ZMYM6: variants seen among roughly 807,000 people sequenced by gnomAD.
ZMYM6 encodes the protein zinc finger MYM-type containing 6, also known as zinc finger MYM-type protein 6.
A neutral mutation model predicts 134.0 loss-of-function variants in ZMYM6; 90 were observed. The ratio of observed to expected loss-of-function variants is 0.67; its 90% confidence interval spans 0.57 to 0.80. The LOEUF is 0.80. ZMYM6 is among the 30% of genes least tolerant of loss of function. The pLI is 0.00. For missense variants in ZMYM6, 1,362 were observed against 1,533.9 expected, an observed-to-expected ratio of 0.89 and a Z score of 1.87; for synonymous variants, 481 against 524.1, an observed-to-expected ratio of 0.92 and a Z score of 1.12.
intron 1 of ZMYM6, 75 bp from the exon 2 acceptor site, chr1:35,030,788 A>G (rs1641506555): frequency 2.7e-6 from 2 of 733,226 alleles, no homozygotes; most frequent in Non-Finnish European, 4.4e-6. Flanking sequence ...TGTTGAGTGC[A>G]TGAGGCTTCA....
chr1:35,005,057 AAAAAGAGAGAACT>A (rs1640942323), intron 13 of ZMYM6, 62 bp downstream of exon 13: 1 of 1,561,914 alleles, frequency 6.4e-7, no homozygotes, highest in African/African-American at 1.4e-5. Context: ...AAACTGTCTC[AAAAAGAGAGAACT>A]ACTTAGGCTA....
intron 14 of ZMYM6, among the ~76,000 whole-genome samples, chr1:34,993,340 T>G (rs1014371678): frequency 1.3e-5 from 2 of 152,044 alleles, no homozygotes; most frequent in Non-Finnish European, 2.9e-5. Flanking sequence ...CTCAAACTCC[T>G]GACCTCGTGA....
At chr1:35,026,023 T>G (rs1303353215) in intron 2 of ZMYM6, among the ~76,000 whole-genome samples, 1 of 152,072 alleles carries the variant, frequency 6.6e-6, no homozygotes, top group Non-Finnish European at 1.5e-5. Flanking sequence ...AGGACTAAAC[T>G]GCAACTTTTT....
Position 34,988,540 on chromosome 1 carries a change from T to A in ZMYM6, c.2542A>T (p.Ile848Phe). 1.9e-6 allele frequency: 3 copies of A among 1,551,308 alleles called. No individual in the cohort carries two copies. The highest frequency in any genetic ancestry group is 2.6e-6 in the Non-Finnish European group (3 of 1,146,884). The change falls in exon 16 of 16, where the codon ATT becomes TTT. Residue 848 changes from isoleucine to phenylalanine, a missense_variant. Around this residue, in one of 3 missense-constraint regions of ZMYM6, gnomAD observed 824 missense variants for 940.9 expected, o/e 0.88. Coordinates refer to ENST00000357182, the MANE Select transcript of ZMYM6 (RefSeq NM_007167.4). ...TATGGTTTAATTAATTCTTCAGCAA[T>A]GGAGAATGGCTTCTTGCTTGCAGCA... is the stretch of plus-strand genomic sequence containing the variant. ...QTAASKKPFS[I>F]AEELIKPYLV...
rs1433188095 is a variant in ZMYM6 at position 35,008,385 on chromosome 1, C to G, written c.1665+367G>C. On this transcript the variant is annotated intron_variant, in intron 11 of 15. Transcript: ENST00000357182. The stretch of plus-strand genomic sequence containing the variant: ...GGTAGGAATGGTTGCCAGCTATTGT[C>G]CTTTGACCTATGAAGTGAGACAAGG... 2.6e-5 allele frequency among the ~76,000 whole-genome samples: 4 copies of G among 152,168 alleles called. No individual in the cohort carries two copies. The East Asian group carries it at 7.7e-4, about 29-fold the overall frequency.
At chr1:35,018,896 TA>T (rs1641253051) in intron 4 of ZMYM6, 1 of 173,036 alleles carries the variant, frequency 5.8e-6, no homozygotes, top group Non-Finnish European at 1.2e-5. Flanking sequence ...AGCATTATTG[TA>T]AAGCAACAAT....
chr1:34,992,068 A>T, intron 15 of ZMYM6, 166 bp downstream of exon 15: 1 of 852,060 alleles, frequency 1.2e-6, no homozygotes, highest in Non-Finnish European at 1.9e-6. Flanking sequence ...TATTAGTGTT[A>T]ATAATTATGA....
Position 35,010,483 on chromosome 1 carries a change from G to A in ZMYM6, c.1456C>T (p.Arg486Ter), listed in dbSNP as rs774579662. Residue 486 changes from arginine (R) to a stop codon, truncating the protein, a stop_gained, in exon 10 of 16, where the codon CGA becomes TGA. Transcript: ENST00000357182. LOFTEE classifies it high-confidence loss of function. ...KLQKIIKETV[R>*]FSGVDKPFCS... is the part of the protein sequence containing the mutation. ...AATGGCTTATCAACCCCTGAGAATC[G>A]CACAGTCTCCTTTATAATTTTCTGC... is the stretch of plus-strand genomic sequence containing the variant. 3.1e-6 allele frequency: 5 copies of A among 1,613,336 alleles called. No individual in the cohort carries two copies. Among genetic ancestry groups the A allele is most frequent in the East Asian group, 2.2e-5 (1 of 44,874 alleles).
chr1:35,028,079 C>T (rs1029616556), intron 2 of ZMYM6, among the ~76,000 whole-genome samples: 3 of 151,784 alleles, frequency 2.0e-5, no homozygotes, highest in Admixed American at 1.3e-4. Context: ...TTTGAGAAGC[C>T]GAGGTGGGCA....
At chr1:35,019,246 T>C (rs1455145530) in intron 4 of ZMYM6, 107 bp downstream of exon 4, 1 of 1,484,318 alleles carries the variant, frequency 6.7e-7, no homozygotes, top group African/African-American at 1.4e-5. Flanking sequence ...AAGTTATTTC[T>C]ACAGATACAT....
chr1:34,994,767 C>T (rs1640745516), intron 14 of ZMYM6, among the ~76,000 whole-genome samples: 1 of 151,744 alleles, frequency 6.6e-6, no homozygotes, highest in Admixed American at 6.6e-5. Context: ...GACTGCCGTC[C>T]ACCCAGACTC....
At chr1:35,007,919 A>C (rs1569768787) in intron 11 of ZMYM6, among the ~76,000 whole-genome samples, 1 of 152,332 alleles carries the variant, frequency 6.6e-6, no homozygotes, top group Non-Finnish European at 1.5e-5. Context: ...CTAAAAAATT[A>C]AGCAGCAGCT....
At position 34,992,301 on chromosome 1, in the gene ZMYM6, G is replaced by A. The variant is rs749114686; in HGVS notation, c.2079C>T (p.Cys693=). 1 of 1,614,096 alleles carries A rather than the reference G, an allele frequency of 6.2e-7. No individual in the cohort carries two copies. Among genetic ancestry groups the A allele is most frequent in the South Asian group, 1.1e-5 (1 of 91,090 alleles). ...TGGCCTTGGTCTGTGTGACGGGTTT[G>A]CATGATATGCCTTTGTTCTTTAAAA... The part of the protein sequence containing the change: ...SRLLKNKGIS[C]KPVTQTKATS... Residue 693 remains cysteine (C), a synonymous_variant, in exon 15 of 16, where the codon TGC becomes TGT. Coordinates refer to ENST00000357182, the MANE Select transcript of ZMYM6 (RefSeq NM_007167.4).
intron 2 of ZMYM6, among the ~76,000 whole-genome samples, chr1:35,024,356 A>C (rs1641366835): frequency 1.3e-5 from 2 of 152,196 alleles, no homozygotes; most frequent in Admixed American, 1.3e-4. Context: ...TACATCTCCA[A>C]GTAGATAACT....
At chr1:34,989,222 C>A in intron 15 of ZMYM6, 1 of 1,121,228 alleles carries the variant, frequency 8.9e-7, no homozygotes, top group Non-Finnish European at 1.1e-6. Flanking sequence ...GGGCTGAAGA[C>A]CATGATACAC....
intron 2 of ZMYM6, among the ~76,000 whole-genome samples, chr1:35,027,500 G>A (rs1367537133): frequency 2.0e-5 from 3 of 152,188 alleles, no homozygotes; most frequent in Non-Finnish European, 1.5e-5. Context: ...TGTAATCCCA[G>A]CACTTTGGGA....
chr1:35,007,188 G>A, intron 11 of ZMYM6, 90 bp from the exon 12 acceptor site: 2 of 1,310,992 alleles, frequency 1.5e-6, no homozygotes, highest in Non-Finnish European at 2.0e-6. Flanking sequence ...TACGAAAACA[G>A]GATATATGAG....
intron 2 of ZMYM6, among the ~76,000 whole-genome samples, chr1:35,022,752 T>A (rs1641333160): frequency 6.6e-6 from 1 of 152,200 alleles, no homozygotes; most frequent in African/African-American, 2.4e-5. Context: ...ATAATTTGAT[T>A]AATGCTTAAC....
rs375477560 is a variant in ZMYM6, at chr1:35,016,443, T to C, written c.429-1281A>G. 5.6e-4 allele frequency among the ~76,000 whole-genome samples: 86 copies of C among 152,276 alleles called. 1 individual carries two copies. Among genetic ancestry groups the C allele is most frequent in the East Asian group, 1.9e-3 (10 of 5,178 alleles). On this transcript the variant is annotated intron_variant, in intron 4 of 15. Coordinates refer to ENST00000357182, the MANE Select transcript of ZMYM6 (RefSeq NM_007167.4). ...GTTCTGTGAGACTCCTAGAGCCAAT[T>C]TGTAAGAGCTAATTATTGCAATAAG...
Sources: gnomAD v4.1 joint callset for allele counts (sites outside exome capture counted in the v4.1 genomes callset) on GRCh38, gnomAD v4.1.1 for gene constraint, gnomAD v4.1.1 regional missense constraint, MANE v1.5 for transcripts, NCBI Gene and HGNC (gene_info 2026-07-23, HGNC 2026-07-21) for gene names.